MYO10: variants seen among roughly 807,000 people sequenced by gnomAD.
MYO10 encodes the protein unconventional myosin-X.
In MYO10, 133 loss-of-function variants were observed where a neutral mutation model predicts 257.3. The ratio of observed to expected loss-of-function variants is 0.52; its 90% CI spans 0.45 to 0.60. The LOEUF (loss-of-function observed/expected upper bound fraction) is 0.60. Ranked by LOEUF, MYO10 falls within the 20% of genes least tolerant of loss-of-function variation. MYO10 has a pLI of 0.00. For synonymous variants in MYO10, 1,104 were observed against 1,028.6 expected (o/e 1.07, Z -1.40); for missense variants, 2,399 against 2,635.7 (o/e 0.91, Z 1.97).
At position 16,691,105 on chromosome 5, in the gene MYO10, T is replaced by C. The variant is rs141423370; in HGVS notation, c.3801-1186A>G. Among the ~76,000 whole-genome samples the C allele has an allele frequency of 3.3e-4, 50 of 150,918 alleles. No individual in the cohort carries two copies. The East Asian group carries it at 9.5e-3, about 29-fold the overall frequency. On this transcript the variant is annotated intron_variant, in intron 27 of 40. Transcript: ENST00000513610. ...TAACACGGTGAAACCCCATCTCTACTAAAAATACAAAAAAATTAGCTGGGT... is the reference window on the plus strand; with the variant it reads ...TAACACGGTGAAACCCCATCTCTACCAAAAATACAAAAAAATTAGCTGGGT...
chr5:16,675,172 C>T (rs368108784), intron 34 of MYO10, 22 bp from the exon 35 acceptor site: 102 of 1,610,720 alleles, frequency 6.3e-5, no homozygotes, highest in South Asian at 2.6e-4. Flanking sequence ...AAAACAAACA[C>T]GGAACTCATC....
At chr5:16,809,994 C>T (rs1257236075) in intron 3 of MYO10, among the ~76,000 whole-genome samples, 3 of 152,054 alleles carry the variant, frequency 2.0e-5, no homozygotes, top group Non-Finnish European at 4.4e-5. Context: ...CTCCACAATC[C>T]CTGTAATGAA....
Position 16,672,593 on chromosome 5 carries a change from G to C in MYO10, c.5309+96C>G, listed in dbSNP as rs1017379653. 3 of 1,444,710 alleles carry C rather than the reference G, an allele frequency of 2.1e-6. No individual in the cohort carries two copies. In the African/African-American group the frequency reaches 4.2e-5, roughly 20 times the overall value. The allele number at this position is 1,444,710 out of a possible 1,614,324, so 89.5% of individuals were successfully genotyped here. A position where few individuals can be genotyped will look rare whatever the true frequency, so the allele number is the denominator to read the frequency against. ...AAAATAAAACTAACTCCAATACAGC[G>C]TGAAGCCACAAATGGAATGGGAAGC... On this transcript the variant is annotated intron_variant, in intron 37 of 40. Coordinates refer to ENST00000513610, the MANE Select transcript of MYO10 (RefSeq NM_012334.3).
At position 16,727,280 on chromosome 5, in the gene MYO10, T is replaced by G. The variant is rs969857784; in HGVS notation, c.1930-16035A>C. Among the ~76,000 whole-genome samples, 106 of 152,214 alleles carry G rather than the reference T, an allele frequency of 7.0e-4. 1 individual carries two copies. The highest frequency in any genetic ancestry group is 3.4e-4 in the Non-Finnish European group (23 of 68,040). ...ATTCTATTCCTATTGAACAGTGTTA[T>G]TCTAAAAAGTTAGGGCTTCTGGTTT... On this transcript the variant is annotated intron_variant, in intron 19 of 40. Transcript: ENST00000513610.
chr5:16,797,963 G>A (rs1305434860), intron 3 of MYO10, among the ~76,000 whole-genome samples: 1 of 152,240 alleles, frequency 6.6e-6, no homozygotes, highest in African/African-American at 2.4e-5. Context: ...ATTATGTCAT[G>A]GGGCTCTGCT....
intron 19 of MYO10, among the ~76,000 whole-genome samples, chr5:16,718,763 C>T (rs1275419880): frequency 6.6e-6 from 1 of 152,056 alleles, no homozygotes. Context: ...AATCGGCACC[C>T]TGTGTTTAGC....
chr5:16,679,524 G>GTTTTTTTTTTTTTTTGTTGTT (rs1736885652), intron 33 of MYO10, among the ~76,000 whole-genome samples: 1 of 122,672 alleles, frequency 8.2e-6, no homozygotes, highest in African/African-American at 3.2e-5. Flanking sequence ...TTTTTTGGGT[G>GTTTTTTTTTTTTTTTGTTGTT]TTTTTTTTTT....
At chr5:16,679,877 G>T in intron 33 of MYO10, 70 bp downstream of exon 33, 1 of 1,549,784 alleles carries the variant, frequency 6.5e-7, no homozygotes, top group South Asian at 1.2e-5. Context: ...CTAATGCTGA[G>T]GTCTTGGTGC....
rs138388935 is a variant in MYO10, at chr5:16,836,907, G to A, written c.121-18740C>T. Reference sequence around the variant, plus strand: ...AAGGTTACCATGAATGTTCGTACCAGCATTTTTCCTATTAGCCAAAAGTGG... The same window carrying A: ...AAGGTTACCATGAATGTTCGTACCAACATTTTTCCTATTAGCCAAAAGTGG... On this transcript the variant is annotated intron_variant, in intron 2 of 40. Coordinates refer to ENST00000513610, the MANE Select transcript of MYO10 (RefSeq NM_012334.3). Among the ~76,000 whole-genome samples, 1,231 of 152,278 alleles carry A rather than the reference G, an allele frequency of 8.1e-3. 7 individuals carry two copies. Among genetic ancestry groups the A allele is most frequent in the South Asian group, 0.013 (63 of 4,824 alleles).
intron 2 of MYO10, among the ~76,000 whole-genome samples, chr5:16,873,867 G>T (rs1407918853): frequency 6.6e-6 from 1 of 152,154 alleles, no homozygotes; most frequent in Non-Finnish European, 1.5e-5. Flanking sequence ...AGGGACCTGG[G>T]CCCGGCCCAC....
intron 29 of MYO10, among the ~76,000 whole-genome samples, 172 bp downstream of exon 29, chr5:16,685,566 T>C (rs1241333938): frequency 6.6e-6 from 1 of 152,192 alleles, no homozygotes; most frequent in Non-Finnish European, 1.5e-5. Context: ...TATTTATTAT[T>C]GTATTGATTC....
At chr5:16,706,854 A>G (rs1738369545) in intron 21 of MYO10, among the ~76,000 whole-genome samples, 2 of 152,208 alleles carry the variant, frequency 1.3e-5, no homozygotes, top group Non-Finnish European at 2.9e-5. Context: ...AAATAGAGAA[A>G]ATGCTTTTAG....
chr5:16,684,945 G>T (rs997652852), intron 29 of MYO10, among the ~76,000 whole-genome samples: 46 of 152,242 alleles, frequency 3.0e-4, no homozygotes, highest in African/African-American at 1.0e-3. Flanking sequence ...TACTTGGGAG[G>T]CTGAGGCAGG....
At chr5:16,793,194 T>TATC (rs1358208450) in intron 4 of MYO10, among the ~76,000 whole-genome samples, 1 of 152,190 alleles carries the variant, frequency 6.6e-6, no homozygotes, top group African/African-American at 2.4e-5. Context: ...CTGCTCTGAG[T>TATC]ATCACCCAGG....
intron 28 of MYO10, 61 bp from the exon 29 acceptor site, chr5:16,685,892 T>C: frequency 2.4e-6 from 3 of 1,270,746 alleles, no homozygotes; most frequent in Non-Finnish European, 1.1e-6. Flanking sequence ...AAAGCAATAG[T>C]GCCCTACTGC....
chr5:16,815,489 A>C, intron 3 of MYO10: 2 of 693,796 alleles, frequency 2.9e-6, no homozygotes, highest in South Asian at 1.5e-5. Context: ...ACCAATAAAA[A>C]ATTTTAAAAT....
chr5:16,671,346 A>C, intron 38 of MYO10, 76 bp downstream of exon 38: 2 of 1,535,018 alleles, frequency 1.3e-6, no homozygotes, highest in Non-Finnish European at 1.8e-6. Context: ...GTACCAGTTA[A>C]CTTACAAGGC....
chr5:16,854,422 T>G (rs1743900679), intron 2 of MYO10, among the ~76,000 whole-genome samples: 1 of 152,128 alleles, frequency 6.6e-6, no homozygotes, highest in South Asian at 2.1e-4. Flanking sequence ...CTGAAAACAT[T>G]ATGCTAAGTG....
intron 9 of MYO10, among the ~76,000 whole-genome samples, chr5:16,779,231 A>G (rs1294340656): frequency 6.6e-6 from 1 of 152,200 alleles, no homozygotes; most frequent in African/African-American, 2.4e-5. Flanking sequence ...AGTGAAGCCC[A>G]TGATTTGGGG....
Sources: allele counts gnomAD v4.1 joint callset (sites outside exome capture counted in the v4.1 genomes callset), GRCh38; gene constraint gnomAD v4.1.1; transcripts MANE v1.5; gene names NCBI Gene and HGNC (gene_info 2026-07-23, HGNC 2026-07-21).